The following ERC2 variants were observed in gnomAD, a reference collection of about 807,000 sequenced individuals.
ERC2 encodes ERC protein 2.
A neutral mutation model predicts 114.8 loss-of-function variants in ERC2; 42 were observed. The observed-to-expected ratio is 0.37, with a 90% CI of 0.29 to 0.47. The LOEUF (loss-of-function observed/expected upper bound fraction) is 0.47. Among genes scored for constraint, ERC2 ranks in the 20% least tolerant of loss-of-function variants. The pLI is 0.99. For missense variants in ERC2, 939 were observed against 1,150.7 expected, an observed-to-expected ratio of 0.82 and a Z score of 2.66; for synonymous variants, 454 against 425.5, an observed-to-expected ratio of 1.07 and a Z score of -0.82.
intron 3 of ERC2, among the ~76,000 whole-genome samples, chr3:56,249,859 T>TC (rs1370687913): frequency 6.2e-5 from 9 of 144,364 alleles, no homozygotes; most frequent in African/African-American, 1.8e-4. Context: ...AAATTTCTTT[T>TC]TTTTTTTTTT....
intron 17 of ERC2, among the ~76,000 whole-genome samples, chr3:55,515,992 C>T (rs2052471963): frequency 6.6e-6 from 1 of 152,136 alleles, no homozygotes; most frequent in Admixed American, 6.5e-5. Flanking sequence ...GGGTTAATGT[C>T]CATTATGTTC....
chr3:56,218,079 G>T (rs1305057742), intron 3 of ERC2, among the ~76,000 whole-genome samples: 6 of 152,194 alleles, frequency 3.9e-5, no homozygotes, highest in African/African-American at 1.4e-4. Context: ...ATAGGCATGG[G>T]CAAGGACTTC....
chr3:55,711,941 A>G (rs1269905897), intron 15 of ERC2, among the ~76,000 whole-genome samples: 1 of 152,234 alleles, frequency 6.6e-6, no homozygotes, highest in Non-Finnish European at 1.5e-5. Flanking sequence ...AAAACTGTCA[A>G]TCAACATCCA....
chr3:55,571,412 C>T (rs550692894), intron 17 of ERC2, among the ~76,000 whole-genome samples: 9 of 152,298 alleles, frequency 5.9e-5, no homozygotes, highest in African/African-American at 1.9e-4. Context: ...CCGACCCCAA[C>T]CACTTCCTCC....
intron 11 of ERC2, among the ~76,000 whole-genome samples, chr3:55,986,735 T>C (rs894797606): frequency 1.3e-5 from 2 of 151,722 alleles, no homozygotes; most frequent in African/African-American, 4.8e-5. Context: ...TTTAATTTGT[T>C]TGTATAAAAA....
chr3:55,768,661 CAGACCAGATGGG>C (rs2067985669), intron 14 of ERC2, among the ~76,000 whole-genome samples: 1 of 152,086 alleles, frequency 6.6e-6, no homozygotes, highest in Non-Finnish European at 1.5e-5. Flanking sequence ...CAAGGAAGTG[CAGACCAGATGGG>C]AGAACGCTAA....
intron 14 of ERC2, among the ~76,000 whole-genome samples, chr3:55,817,920 T>C (rs975360818): frequency 6.6e-6 from 1 of 152,144 alleles, no homozygotes; most frequent in Non-Finnish European, 1.5e-5. Context: ...CAGCTCCAGG[T>C]GAGTTAAAGG....
chr3:55,580,670 A>G (rs1026279295), intron 17 of ERC2, among the ~76,000 whole-genome samples: 1 of 152,158 alleles, frequency 6.6e-6, no homozygotes, highest in Non-Finnish European at 1.5e-5. Flanking sequence ...ATATATACAC[A>G]TGGTCCTAGA....
In ERC2 at chr3:55,850,582, A is replaced by G. The variant is rs148687162; in HGVS notation, c.2564+37807T>C. ...GTCAACTGTTTTAGATGCATTTACCAGAATCAAAGTGTCTAAATAACAGCC... is the reference window on the plus strand; with the variant it reads ...GTCAACTGTTTTAGATGCATTTACCGGAATCAAAGTGTCTAAATAACAGCC... On this transcript the variant is annotated intron_variant, in intron 14 of 17. Transcript: ENST00000288221. 4.2e-3 allele frequency among the ~76,000 whole-genome samples: 632 copies of G among 152,272 alleles called. 9 individuals are homozygous for G. The highest frequency in any genetic ancestry group is 0.014 in the African/African-American group (600 of 41,564).
intron 7 of ERC2, among the ~76,000 whole-genome samples, chr3:56,075,746 G>T (rs9854960): frequency 0.2 from 30,020 of 152,036 alleles, 3,324 homozygotes; most frequent in African/African-American, 0.29. Flanking sequence ...TGAATATGAT[G>T]TTGCACATGT....
chr3:55,734,145 C>T (rs933551870), intron 15 of ERC2, among the ~76,000 whole-genome samples: 2 of 152,140 alleles, frequency 1.3e-5, no homozygotes, highest in African/African-American at 4.8e-5. Flanking sequence ...CCATGTCCCT[C>T]AAAACAAATA....
At chr3:56,457,932 C>A (rs1462128018) in intron 1 of ERC2, among the ~76,000 whole-genome samples, 1 of 152,144 alleles carries the variant, frequency 6.6e-6, no homozygotes, top group Admixed American at 6.5e-5. Flanking sequence ...GATGTTCCCC[C>A]AAAGAGCATC....
chr3:56,395,057 T>C (rs1007867579), intron 2 of ERC2, among the ~76,000 whole-genome samples: 2 of 149,672 alleles, frequency 1.3e-5, no homozygotes, highest in Non-Finnish European at 3.0e-5. Flanking sequence ...AAAAAAAAAG[T>C]TGCAAAAAAA....
At chr3:56,375,362 C>T (rs977026505) in intron 2 of ERC2, among the ~76,000 whole-genome samples, 10 of 152,178 alleles carry the variant, frequency 6.6e-5, no homozygotes, top group African/African-American at 2.4e-4. Context: ...CAAGGGTCCC[C>T]AGTTTGGGTC....
At chr3:56,439,293 A>T (rs1228275085) in intron 1 of ERC2, among the ~76,000 whole-genome samples, 3 of 152,192 alleles carry the variant, frequency 2.0e-5, no homozygotes, top group Non-Finnish European at 4.4e-5. Context: ...AAAAATTTTT[A>T]AATTAGCCCA....
At chr3:55,606,742 G>T (rs778360850) in intron 17 of ERC2, 1 of 152,310 alleles carries the variant, frequency 6.6e-6, no homozygotes, top group African/African-American at 2.4e-5. Context: ...AGCATTTGCC[G>T]TTACCCACCT....
intron 17 of ERC2, among the ~76,000 whole-genome samples, chr3:55,524,148 A>G (rs913223313): frequency 6.6e-6 from 1 of 152,198 alleles, no homozygotes; most frequent in African/African-American, 2.4e-5. Flanking sequence ...ACAGGAGTGC[A>G]ATGAGAAGTA....
At chr3:56,028,285 G>T (rs1391273284) in intron 7 of ERC2, among the ~76,000 whole-genome samples, 1 of 152,006 alleles carries the variant, frequency 6.6e-6, no homozygotes, top group Non-Finnish European at 1.5e-5. Flanking sequence ...TATTCGGGGG[G>T]TTATGCCTTT....
intron 14 of ERC2, among the ~76,000 whole-genome samples, chr3:55,797,839 G>A (rs1201567752): frequency 6.6e-6 from 1 of 152,146 alleles, no homozygotes; most frequent in African/African-American, 2.4e-5. Flanking sequence ...AATGAAAAAT[G>A]AGCACGCAAC....
Sources: allele counts gnomAD v4.1 joint callset (sites outside exome capture counted in the v4.1 genomes callset), GRCh38; gene constraint gnomAD v4.1.1; transcripts MANE v1.5; gene names NCBI Gene and HGNC (gene_info 2026-07-23, HGNC 2026-07-21).